SLC19A1: variants seen among roughly 807,000 people sequenced by gnomAD.
SLC19A1 encodes the protein solute carrier family 19 member 1.
A neutral mutation model predicts 35.3 loss-of-function variants in SLC19A1; 37 were observed. That is an observed-to-expected ratio of 1.05 (90% CI 0.81 to 1.38). The LOEUF is 1.38. Ranked by LOEUF, SLC19A1 falls within the 40% of genes most tolerant of loss-of-function variation. The pLI is 0.00. For synonymous variants in SLC19A1, 460 were observed against 398.5 expected, an observed-to-expected ratio of 1.15 and a Z score of -1.84; for missense variants, 831 against 826.9, an observed-to-expected ratio of 1.00 and a Z score of -0.06.
chr21:45,505,241 C>T lies in SLC19A1; in HGVS notation c.498-6629G>A, dbSNP rs753302606. On this transcript the variant is annotated intron_variant, in intron 3 of 4. Coordinates refer to the SLC19A1 transcript ENST00000417954. ...AGGGCCCTCCCGGCCCCCCAGGCCC[C>T]CCAGGGCCCCCTTCATTTCCTGGCC... is the stretch of plus-strand genomic sequence containing the variant. 1.9e-5 allele frequency: 31 copies of T among 1,603,408 alleles called. No individual in the cohort carries two copies. The highest frequency in any genetic ancestry group is 6.8e-5 in the East Asian group (3 of 44,420).
intron 2 of SLC19A1, among the ~76,000 whole-genome samples, chr21:45,537,516 C>A (rs2078154898): frequency 6.7e-6 from 1 of 149,804 alleles, no homozygotes; most frequent in Admixed American, 6.7e-5. Context: ...ATGCCTATTC[C>A]AGAAGCTGCT....
At chr21:45,512,010 G>A (rs1029462387), downstream of SLC19A1, among the ~76,000 whole-genome samples, 15 of 152,118 alleles carry the variant, frequency 9.9e-5, no homozygotes, top group Non-Finnish European at 2.2e-4. Flanking sequence ...GGGAGATGCA[G>A]CCCCCTCCAC....
intron 2 of SLC19A1, 63 bp from the exon 3 acceptor site, chr21:45,532,211 G>C (rs996319557): frequency 2.1e-6 from 3 of 1,405,150 alleles, no homozygotes; most frequent in African/African-American, 2.8e-5. Flanking sequence ...GGCAGACACA[G>C]CCCGCCCGAG....
At chr21:45,560,611 A>G (rs1055942414) in intron 1 of SLC19A1, among the ~76,000 whole-genome samples, 2 of 152,358 alleles carry the variant, frequency 1.3e-5, no homozygotes, top group Admixed American at 6.5e-5. Context: ...AGACAACACC[A>G]GCAAGGACGG....
At position 45,531,679 on chromosome 21, in the gene SLC19A1, C is replaced by T; in HGVS notation, c.659G>A (p.Cys220Tyr). 6.2e-7 allele frequency: 1 copy of T among 1,612,494 alleles called. No individual in the cohort carries two copies. ...LFFNRDDRGRCETSASELERM... is the reference protein window; with the variant it reads ...LFFNRDDRGRYETSASELERM... ...CTCCAGCTCCGAAGCCGAGGTTTCGCACCGCCCCCGGTCGTCGCGGTTGAA... is the reference window on the plus strand; with the variant it reads ...CTCCAGCTCCGAAGCCGAGGTTTCGTACCGCCCCCGGTCGTCGCGGTTGAA... The change falls in exon 3 of 6, where the codon TGC (cysteine) becomes TAC (tyrosine). Residue 220 changes from cysteine to tyrosine, a missense_variant. Cys to Tyr is a radical substitution (Grantham distance 194, BLOSUM62 -2). Transcript: ENST00000311124.
At chr21:45,538,847 C>T (rs1412484286) in intron 1 of SLC19A1, among the ~76,000 whole-genome samples, 1 of 152,186 alleles carries the variant, frequency 6.6e-6, no homozygotes, top group Non-Finnish European at 1.5e-5. Context: ...ATCCACGAGG[C>T]AACATGCACC....
In SLC19A1 at chr21:45,533,699, C is replaced by T. The variant is rs1324322141; in HGVS notation, c.190-1551G>A. On this transcript the variant is annotated intron_variant, in intron 2 of 5. Coordinates refer to ENST00000311124, the MANE Select transcript of SLC19A1 (RefSeq NM_194255.4). This position sits in a 1 kb window ranked among gnomAD's most constrained non-coding sequence, Gnocchi z 4.5. ...CCTGACCACCAGTAACCCCACAGCC[C>T]CACTCGTGCTGCCCCAGGTGACCTC... 6.6e-6 allele frequency among the ~76,000 whole-genome samples: 1 copy of T among 152,070 alleles called. No individual in the cohort carries two copies. Among genetic ancestry groups the T allele is most frequent in the Non-Finnish European group, 1.5e-5 (1 of 67,986 alleles).
At position 45,525,932 on chromosome 21, in the gene SLC19A1, T is replaced by G; in HGVS notation, c.1178A>C (p.Lys393Thr). ...ATFQIASSLSKELCALVFGVN... is the reference protein window; with the variant it reads ...ATFQIASSLSTELCALVFGVN... ...CCCGAAGACCAGGGCACAGAGCTCT[T>G]TAGACAGAGAAGATGCAATCTGAAA... Residue 393 changes from lysine to threonine, a missense_variant, in exon 5 of 6, where the codon AAA becomes ACA. By Grantham distance (78) the Lys-to-Thr change is moderately conservative. Transcript: ENST00000311124. 1.9e-6 allele frequency: 3 copies of G among 1,613,426 alleles called. No homozygotes were observed. Among genetic ancestry groups the G allele is most frequent in the Non-Finnish European group, 2.5e-6 (3 of 1,179,916 alleles).
At chr21:45,505,747 GCCCAGCA>G in intron 3 of SLC19A1, 1 of 1,089,064 alleles carries the variant, frequency 9.2e-7, no homozygotes, top group Non-Finnish European at 1.3e-6. Context: ...TGCGGCCCCT[GCCCAGCA>G]CCCTGAAACG....
chr21:45,555,160 C>CGGGGGCGGTGCAGGGGGCGCA lies in SLC19A1; in HGVS notation c.-50+7581_-50+7582insTGCGCCCCCTGCACCGCCCCC. Among the ~76,000 whole-genome samples, 2 of 41,824 alleles carry CGGGGGCGGTGCAGGGGGCGCA rather than the reference C, an allele frequency of 4.8e-5. 1 individual carries two copies. The highest frequency in any genetic ancestry group is 0.019 in the Middle Eastern group (2 of 106). 27.4% of individuals were successfully genotyped at this position (41,824 alleles called of 152,430 possible). On this transcript the variant is annotated intron_variant, in intron 1 of 5. Transcript: ENST00000650808. ...ACGCAGGGGGCGGTGCAGGGGGCGG[C>CGGGGGCGGTGCAGGGGGCGCA]GGGGGCGGCGCAGGGGGCGGTGCAG...
intron 5 of SLC19A1, among the ~76,000 whole-genome samples, chr21:45,523,889 T>C (rs1049938753): frequency 1.3e-5 from 2 of 152,160 alleles, no homozygotes; most frequent in African/African-American, 4.8e-5. Context: ...CTGGAGCCCC[T>C]CCAAAGCCAG....
rs753348066 is a variant in SLC19A1, at chr21:45,531,572, G to C, written c.766C>G (p.Arg256Gly). The C allele has an allele frequency of 6.2e-7, 1 of 1,612,236 alleles. No individual in the cohort carries two copies. Residue 256 changes from arginine to glycine, a missense_variant, in exon 3 of 6, where the codon CGG (arginine) becomes GGG (glycine). Transcript: ENST00000311124. ...CGDSVLARML[R>G]ELGDSLRRPQ... Reference sequence around the variant, plus strand: ...CGCCGCAGGCTGTCCCCCAGCTCCCGCAGCATCCGCGCCAGCACTGAGTCC... The same window carrying C: ...CGCCGCAGGCTGTCCCCCAGCTCCCCCAGCATCCGCGCCAGCACTGAGTCC...
intron 4 of SLC19A1, among the ~76,000 whole-genome samples, chr21:45,528,266 G>A (rs1300970359): frequency 2.0e-5 from 3 of 151,978 alleles, no homozygotes. Context: ...CCCCCAGGGT[G>A]CTTCCAAGGA....
At chr21:45,505,235 A>G (rs1004161700) in intron 3 of SLC19A1, 3 of 1,595,016 alleles carry the variant, frequency 1.9e-6, no homozygotes, top group South Asian at 1.1e-5. Flanking sequence ...CCGGCCCCCC[A>G]GGCCCCCCAG....
Position 45,514,518 on chromosome 21 carries a change from G to C in SLC19A1, c.*1140C>G, listed in dbSNP as rs941335403. The C allele has an allele frequency of 6.5e-6, 1 of 153,850 alleles. No homozygotes were observed. The highest frequency in any genetic ancestry group is 2.4e-5 in the African/African-American group (1 of 41,408). The allele number at this position is 153,850 out of a possible 1,614,324, so 9.5% of individuals were successfully genotyped here. On this transcript the variant is annotated 3_prime_UTR_variant, in exon 6 of 6. Coordinates refer to ENST00000311124, the MANE Select transcript of SLC19A1 (RefSeq NM_194255.4). ...TGCTGAGCAGCCAGCCATTCACCTG[G>C]GGCCGCTGAGATGTGGCAGAGGCCC...
At chr21:45,551,407 G>A (rs1391254001) in intron 1 of SLC19A1, among the ~76,000 whole-genome samples, 2 of 151,998 alleles carry the variant, frequency 1.3e-5, no homozygotes, top group Admixed American at 6.5e-5. Context: ...ATAAAACTAG[G>A]AATAATAAAC....
At chr21:45,521,389 G>C (rs1482746150) in intron 5 of SLC19A1, among the ~76,000 whole-genome samples, 1 of 152,190 alleles carries the variant, frequency 6.6e-6, no homozygotes, top group Admixed American at 6.5e-5. Context: ...TAAATGGAAA[G>C]ATATACCATG....
At chr21:45,505,838 G>GT in intron 3 of SLC19A1, 2 of 1,601,276 alleles carry the variant, frequency 1.2e-6, no homozygotes, top group Non-Finnish European at 1.7e-6. Context: ...GTCCCAGCAG[G>GT]TGAGGCTCTG....
At chr21:45,545,761 A>G (rs1445311961), upstream of SLC19A1, among the ~76,000 whole-genome samples, 2 of 152,218 alleles carry the variant, frequency 1.3e-5, no homozygotes, top group South Asian at 2.1e-4. Context: ...ATGCCCCAGC[A>G]TGTGCAGTGA....
Sources: allele counts gnomAD v4.1 joint callset (sites outside exome capture counted in the v4.1 genomes callset), GRCh38; gene constraint gnomAD v4.1.1; non-coding constraint Gnocchi (gnomAD v3.1); transcripts MANE v1.5; gene names NCBI Gene and HGNC (gene_info 2026-07-23, HGNC 2026-07-21).